The following CSMD1 variants were observed in gnomAD, a reference collection of about 807,000 sequenced individuals.
CSMD1 encodes the protein CUB and Sushi multiple domains 1.
CSMD1 carries 213 observed loss-of-function variants against 417.5 expected under a neutral mutation model. The observed-to-expected ratio is 0.51, with a 90% confidence interval of 0.46 to 0.57. The LOEUF (loss-of-function observed/expected upper bound fraction) is 0.57, where lower values mean the gene tolerates loss of function less well. Among genes scored for constraint, CSMD1 ranks in the 20% least tolerant of loss-of-function variants. The probability of loss-of-function intolerance (pLI) is 0.00; values close to 1 mark genes in which losing one functional copy is unlikely to be tolerated. For missense variants in CSMD1, 6,923 were observed against 4,529.7 expected (o/e 1.53, Z -15.17); for synonymous variants, 2,862 against 1,736.8 (o/e 1.65, Z -16.11).
At chr8:4,457,369 G>C (rs1035193946) in intron 2 of CSMD1, among the ~76,000 whole-genome samples, 4 of 152,080 alleles carry the variant, frequency 2.6e-5, no homozygotes, top group Non-Finnish European at 5.9e-5. Context: ...AGAAGTGATT[G>C]GGGCTTCCCG....
chr8:3,479,459 T>C (rs1290104421), intron 11 of CSMD1, among the ~76,000 whole-genome samples: 1 of 152,124 alleles, frequency 6.6e-6, no homozygotes, highest in Non-Finnish European at 1.5e-5. Context: ...TTTGTACTTT[T>C]AGTACATATG....
At chr8:3,564,640 ATTTAGTTCTGAAAG>A (rs1176167058) in intron 10 of CSMD1, among the ~76,000 whole-genome samples, 1 of 130,232 alleles carries the variant, frequency 7.7e-6, no homozygotes, top group Non-Finnish European at 1.7e-5. Context: ...AAATAAATCT[ATTTAGTTCTGAAAG>A]TTAAGAACTG....
At chr8:3,447,815 G>C (rs1175689257) in intron 12 of CSMD1, among the ~76,000 whole-genome samples, 1 of 152,112 alleles carries the variant, frequency 6.6e-6, no homozygotes, top group Admixed American at 6.5e-5. Context: ...AGGACCACTT[G>C]GGGCCATTTT....
chr8:3,721,861 A>C (rs572240155), intron 6 of CSMD1, among the ~76,000 whole-genome samples: 6 of 152,304 alleles, frequency 3.9e-5, no homozygotes, highest in African/African-American at 7.2e-5. Flanking sequence ...TGTATGAAGA[A>C]AATAGCAGAG....
intron 1 of CSMD1, among the ~76,000 whole-genome samples, chr8:4,753,172 A>C (rs1811444858): frequency 6.6e-6 from 1 of 152,130 alleles, no homozygotes; most frequent in Non-Finnish European, 1.5e-5. Context: ...TCATACATAC[A>C]GGAGGCAATG....
rs187028693 is a variant in CSMD1 at position 4,408,469 on chromosome 8, A to T, written c.415+11484T>A. On this transcript the variant is annotated intron_variant, in intron 3 of 69. Coordinates refer to ENST00000635120, the MANE Select transcript of CSMD1 (RefSeq NM_033225.6). Reference sequence around the variant, plus strand: ...ATACAAATAACTGCATGAATTATTGACTGTTTTTAATAGCTTAATTTTACT... The same window carrying T: ...ATACAAATAACTGCATGAATTATTGTCTGTTTTTAATAGCTTAATTTTACT... Among the ~76,000 whole-genome samples, 9 of 152,330 alleles carry T rather than the reference A, an allele frequency of 5.9e-5. No homozygotes were observed. The East Asian group carries it at 1.5e-3, about 26-fold the overall frequency.
chr8:4,393,619 A>T (rs954210886), intron 3 of CSMD1, among the ~76,000 whole-genome samples: 9 of 152,160 alleles, frequency 5.9e-5, no homozygotes, highest in South Asian at 2.1e-4. Flanking sequence ...AGTGTCATTG[A>T]TTAAATTATC....
intron 49 of CSMD1, among the ~76,000 whole-genome samples, chr8:3,055,355 T>C (rs568446065): frequency 6.6e-6 from 1 of 152,324 alleles, no homozygotes; most frequent in South Asian, 2.1e-4. Flanking sequence ...CCACAGTGTT[T>C]AGCCCCTTAA....
intron 3 of CSMD1, among the ~76,000 whole-genome samples, chr8:4,052,916 G>A (rs769935502): frequency 6.6e-6 from 1 of 152,064 alleles, no homozygotes; most frequent in East Asian, 1.9e-4. Context: ...TACTGAACTA[G>A]GCGCAGAGAG....
At position 3,664,380 on chromosome 8, in the gene CSMD1, T is replaced by C. The variant is rs1410253458; in HGVS notation, c.1009+44034A>G. ...GGACTTCATACAATGAAGCTTTTTC[T>C]GCTCCTGGTTCACTTCAATAACCTG... On this transcript the variant is annotated intron_variant, in intron 7 of 69. Transcript: ENST00000635120. Among the ~76,000 whole-genome samples, 3 of 152,256 alleles carry C rather than the reference T, an allele frequency of 2.0e-5. No individual in the cohort carries two copies. The East Asian group carries it at 5.8e-4, about 29-fold the overall frequency.
At chr8:3,690,785 T>TA (rs1166610784) in intron 7 of CSMD1, among the ~76,000 whole-genome samples, 3 of 152,214 alleles carry the variant, frequency 2.0e-5, no homozygotes, top group South Asian at 2.1e-4. Flanking sequence ...GTTTAATTTA[T>TA]AAAAAAAGGA....
At chr8:4,103,453 A>T (rs1206079683) in intron 3 of CSMD1, among the ~76,000 whole-genome samples, 1 of 151,016 alleles carries the variant, frequency 6.6e-6, no homozygotes, top group Admixed American at 6.6e-5. Context: ...GTACCATAAC[A>T]TCCACATGAT....
At chr8:4,901,300 T>C (rs563970386) in intron 1 of CSMD1, among the ~76,000 whole-genome samples, 1 of 152,240 alleles carries the variant, frequency 6.6e-6, no homozygotes. Context: ...GATAATTTTT[T>C]ATTCCGCTTG....
intron 7 of CSMD1, among the ~76,000 whole-genome samples, chr8:3,664,819 T>A (rs765139520): frequency 6.6e-6 from 1 of 152,128 alleles, no homozygotes; most frequent in Non-Finnish European, 1.5e-5. Flanking sequence ...AGAGTCAACA[T>A]TAAAATAGCT....
At position 4,448,262 on chromosome 8, in the gene CSMD1, G is replaced by C. The variant is rs535049580; in HGVS notation, c.303-28197C>G. 3.0e-3 allele frequency among the ~76,000 whole-genome samples: 461 copies of C among 152,214 alleles called. 1 individual carries two copies. The highest frequency in any genetic ancestry group is 0.011 in the African/African-American group (442 of 41,522). ...AGGAATCAAAAGCCCATTTAGCAAA[G>C]CATTTCCAAATATAGTTATAACACA... On this transcript the variant is annotated intron_variant, in intron 2 of 69. Transcript: ENST00000635120.
At chr8:3,792,579 G>T (rs758655510) in intron 5 of CSMD1, among the ~76,000 whole-genome samples, 12 of 152,050 alleles carry the variant, frequency 7.9e-5, no homozygotes, top group Non-Finnish European at 1.2e-4. Flanking sequence ...TCCTTTGTTA[G>T]CTCCCACATA....
At chr8:4,484,520 T>A (rs1239698535) in intron 2 of CSMD1, among the ~76,000 whole-genome samples, 1 of 151,970 alleles carries the variant, frequency 6.6e-6, no homozygotes, top group African/African-American at 2.4e-5. Context: ...GTTTGGTAAG[T>A]CCATCTCACA....
chr8:3,306,386 C>G (rs933289003), intron 25 of CSMD1, among the ~76,000 whole-genome samples: 1 of 152,148 alleles, frequency 6.6e-6, no homozygotes, highest in African/African-American at 2.4e-5. Flanking sequence ...GCTGGCCAGG[C>G]TGATCTCGAA....
chr8:3,925,447 G>A (rs551776176), intron 5 of CSMD1, among the ~76,000 whole-genome samples: 1 of 152,294 alleles, frequency 6.6e-6, no homozygotes, highest in African/African-American at 2.4e-5. Flanking sequence ...AGTTAAACCT[G>A]AAATACAGTT....
Sources: allele counts gnomAD v4.1 joint callset (sites outside exome capture counted in the v4.1 genomes callset), GRCh38; gene constraint gnomAD v4.1.1; transcripts MANE v1.5; gene names NCBI Gene and HGNC (gene_info 2026-07-23, HGNC 2026-07-21).